Variants in ATXN10 observed in about 807,000 individuals in gnomAD.
ATXN10 encodes the protein ataxin-10.
ATXN10 carries 28 observed loss-of-function variants against 52.9 expected under a neutral mutation model. The observed-to-expected ratio is 0.53, with a 90% CI of 0.39 to 0.73. ATXN10 has a LOEUF of 0.73. Ranked by LOEUF, ATXN10 falls within the 30% of genes least tolerant of loss-of-function variation. The pLI, the probability that ATXN10 is intolerant of heterozygous loss-of-function variation, is 0.00. For missense variants in ATXN10, 565 were observed against 577.0 expected, an observed-to-expected ratio of 0.98 and a Z score of 0.21; for synonymous variants, 226 against 221.5, an observed-to-expected ratio of 1.02 and a Z score of -0.18.
chr22:45,822,100 G>A (rs1304745658), intron 10 of ATXN10, among the ~76,000 whole-genome samples: 1 of 152,114 alleles, frequency 6.6e-6, no homozygotes, highest in Non-Finnish European at 1.5e-5. Flanking sequence ...GCATTCTTTT[G>A]TTTCCTGTCA....
At chr22:45,834,240 A>T (rs1037866148) in intron 10 of ATXN10, among the ~76,000 whole-genome samples, 3 of 152,210 alleles carry the variant, frequency 2.0e-5, no homozygotes, top group Non-Finnish European at 2.9e-5. Flanking sequence ...CCAGGAACAG[A>T]AATTCAGTGG....
chr22:45,737,156 C>T (rs547792970), intron 7 of ATXN10, among the ~76,000 whole-genome samples: 10 of 152,232 alleles, frequency 6.6e-5, no homozygotes, highest in African/African-American at 1.4e-4. Flanking sequence ...GTTTTCAGTC[C>T]GTTACCGTTG....
chr22:45,829,610 A>G (rs1377003886), intron 10 of ATXN10, among the ~76,000 whole-genome samples: 1 of 152,204 alleles, frequency 6.6e-6, no homozygotes, highest in Non-Finnish European at 1.5e-5. Context: ...GGAAATTACA[A>G]AAGCAATTCC....
rs1200143731 is a variant in ATXN10 at position 45,695,324 on chromosome 22, C to CA, written c.391+2263dup. On this transcript the variant is annotated intron_variant, in intron 3 of 11. Transcript: ENST00000252934. ...TGGGCGACAGAGCGAGACTCCACCT[C>CA]AAAAAAAAAAAAAAAAATTGTCATT... 5.4e-3 allele frequency among the ~76,000 whole-genome samples: 420 copies of CA among 78,018 alleles called. 2 individuals are homozygous for CA. The highest frequency in any genetic ancestry group is 7.7e-3 in the African/African-American group (159 of 20,614). The allele number at this position is 78,018 out of a possible 152,430, so 51.2% of individuals were successfully genotyped here.
intron 3 of ATXN10, among the ~76,000 whole-genome samples, chr22:45,694,791 AAAG>A (rs1923525879): frequency 6.6e-6 from 1 of 151,400 alleles, no homozygotes; most frequent in Non-Finnish European, 1.5e-5. Flanking sequence ...TCGAAAAAAA[AAAG>A]AACCGGGCAT....
At position 45,843,771 on chromosome 22, in the gene ATXN10, C is replaced by T. The variant is rs1212473158; in HGVS notation, c.*100C>T. 8.3e-7 allele frequency: 1 copy of T among 1,204,532 alleles called. No homozygotes were observed. Among genetic ancestry groups the T allele is most frequent in the Non-Finnish European group, 1.2e-6 (1 of 825,800 alleles). 74.6% of individuals were successfully genotyped at this position (1,204,532 alleles called of 1,614,324 possible). A position where few individuals can be genotyped will look rare whatever the true frequency, so the allele number is the denominator to read the frequency against. ...GCAAGTGTTTGAAGATTTATAAGTA[C>T]AAATTTGGGAACATACAAATCTTTT... On this transcript the variant is annotated 3_prime_UTR_variant, in exon 12 of 12. Coordinates refer to ENST00000252934, the MANE Select transcript of ATXN10 (RefSeq NM_013236.4). This position sits in a 1 kb window ranked among gnomAD's most constrained non-coding sequence, Gnocchi z 4.5.
rs9626434 is a variant in ATXN10, at chr22:45,740,608, C to G, written c.1173+70C>G. 6,547 of 1,511,566 alleles carry G rather than the reference C, an allele frequency of 4.3e-3. 275 individuals are homozygous for G. In the African/African-American group the frequency reaches 0.081, roughly 19 times the overall value. 93.6% of individuals were successfully genotyped at this position (1,511,566 alleles called of 1,614,324 possible). On this transcript the variant is annotated intron_variant, in intron 9 of 11. Coordinates refer to ENST00000252934, the MANE Select transcript of ATXN10 (RefSeq NM_013236.4). ...TAGAATATAGTCCTTGGAAGACATTCACTCTTTTGGAGTGAAAGCTTGAGG... is the reference window on the plus strand; with the variant it reads ...TAGAATATAGTCCTTGGAAGACATTGACTCTTTTGGAGTGAAAGCTTGAGG...
chr22:45,764,928 T>C (rs1926530042), intron 9 of ATXN10, among the ~76,000 whole-genome samples: 1 of 152,184 alleles, frequency 6.6e-6, no homozygotes, highest in African/African-American at 2.4e-5. Flanking sequence ...CCTTTTCACA[T>C]CTTCAGTATA....
At chr22:45,731,228 A>G (rs759929625) in intron 7 of ATXN10, among the ~76,000 whole-genome samples, 5 of 152,220 alleles carry the variant, frequency 3.3e-5, no homozygotes, top group African/African-American at 7.2e-5. Context: ...GAGAAGCCAG[A>G]CAGACTAGAA....
Position 45,762,465 on chromosome 22 carries a change from G to T in ATXN10, c.1173+21927G>T, listed in dbSNP as rs1019341294. 2.0e-5 allele frequency among the ~76,000 whole-genome samples: 3 copies of T among 152,200 alleles called. No homozygotes were observed. Among genetic ancestry groups the T allele is most frequent in the African/African-American group, 7.2e-5 (3 of 41,452 alleles). ...TCCACGGTGCATGTTCTGGCTGAGT[G>T]TTGGTGGGCTCCACCCTAGCCGAAC... On this transcript the variant is annotated intron_variant, in intron 9 of 11. Transcript: ENST00000252934. The surrounding 1 kb of genome is among the most constrained non-coding windows in gnomAD (Gnocchi z 4.3).
In ATXN10 at chr22:45,712,707, C is replaced by T. The variant is rs553328168; in HGVS notation, c.648-5706C>T. The stretch of plus-strand genomic sequence containing the variant: ...TATTTATATATTTTTCAGATTATAA[C>T]TCATTTTCTTCTAGTAGAGGAAGCA... On this transcript the variant is annotated intron_variant, in intron 5 of 11. Transcript: ENST00000252934. This position sits in a 1 kb window ranked among gnomAD's most constrained non-coding sequence, Gnocchi z 4.6. Among the ~76,000 whole-genome samples, 1 of 152,192 alleles carries T rather than the reference C, an allele frequency of 6.6e-6. No homozygotes were observed. Among genetic ancestry groups the T allele is most frequent in the African/African-American group, 2.4e-5 (1 of 41,452 alleles).
intron 1 of ATXN10, among the ~76,000 whole-genome samples, chr22:45,682,290 G>GTGAC (rs1482259200): frequency 6.6e-6 from 1 of 151,576 alleles, no homozygotes; most frequent in Non-Finnish European, 1.5e-5. Flanking sequence ...CCGTTTGCTG[G>GTGAC]TGACTAACAT....
chr22:45,672,515 G>A (rs1191024234), intron 1 of ATXN10: 36 of 158,170 alleles, frequency 2.3e-4, no homozygotes, highest in Non-Finnish European at 1.4e-5. Context: ...GCTGCGCCAG[G>A]CCCTGGCTGC....
intron 1 of ATXN10, among the ~76,000 whole-genome samples, chr22:45,682,880 A>G (rs1258062615): frequency 6.6e-6 from 1 of 152,140 alleles, no homozygotes; most frequent in Non-Finnish European, 1.5e-5. Flanking sequence ...TGTTTACCGT[A>G]TCTGCTGCTT....
At position 45,757,974 on chromosome 22, in the gene ATXN10, T is replaced by A. The variant is rs1005775942; in HGVS notation, c.1173+17436T>A. ...GTAAAAGAAGAAAAAAAGTTGAGCT[T>A]TTGTGATGACACACAAATTCAAACT... On this transcript the variant is annotated intron_variant, in intron 9 of 11. Coordinates refer to ENST00000252934, the MANE Select transcript of ATXN10 (RefSeq NM_013236.4). The surrounding 1 kb of genome is among the most constrained non-coding windows in gnomAD (Gnocchi z 4.6). Among the ~76,000 whole-genome samples, 2 of 152,254 alleles carry A rather than the reference T, an allele frequency of 1.3e-5. No individual in the cohort carries two copies. Among genetic ancestry groups the A allele is most frequent in the Non-Finnish European group, 2.9e-5 (2 of 68,048 alleles).
intron 7 of ATXN10, among the ~76,000 whole-genome samples, chr22:45,735,195 T>G (rs1279055769): frequency 2.0e-5 from 3 of 152,108 alleles, no homozygotes; most frequent in African/African-American, 7.2e-5. Flanking sequence ...TATTTTAATA[T>G]AAACATTTAA....
intron 1 of ATXN10, chr22:45,676,146 T>A (rs1305737982): frequency 2.6e-5 from 4 of 152,194 alleles, no homozygotes; most frequent in Non-Finnish European, 5.9e-5. Context: ...GGCCTCACTT[T>A]GTCATCCAGG....
chr22:45,799,938 AT>A (rs1227528976), intron 9 of ATXN10, among the ~76,000 whole-genome samples: 1 of 152,208 alleles, frequency 6.6e-6, no homozygotes, highest in South Asian at 2.1e-4. Flanking sequence ...CACTGGAATG[AT>A]TTTATATCCT....
chr22:45,776,354 G>A (rs1019049552), intron 9 of ATXN10, among the ~76,000 whole-genome samples: 14 of 152,088 alleles, frequency 9.2e-5, no homozygotes, highest in African/African-American at 2.2e-4. Context: ...TGTTTAAAAC[G>A]AAGATGATCA....
Sources: gnomAD v4.1 joint callset for allele counts (sites outside exome capture counted in the v4.1 genomes callset) on GRCh38, gnomAD v4.1.1 for gene constraint, Gnocchi (gnomAD v3.1) non-coding constraint, MANE v1.5 for transcripts, NCBI Gene and HGNC (gene_info 2026-07-23, HGNC 2026-07-21) for gene names.